Variants in RSU1 observed in about 807,000 individuals in gnomAD.
RSU1 encodes Ras suppressor protein 1.
Under a neutral mutation model 31.1 loss-of-function variants are expected in RSU1, and 26 were observed. The ratio of observed to expected loss-of-function variants is 0.84; its 90% CI spans 0.61 to 1.16. The LOEUF (loss-of-function observed/expected upper bound fraction) is 1.16. Ranked by LOEUF, RSU1 falls within the 50% of genes most tolerant of loss-of-function variation. The pLI is 0.00. For missense variants in RSU1, 320 were observed against 339.1 expected, an observed-to-expected ratio of 0.94 and a Z score of 0.44; for synonymous variants, 164 against 136.3, an observed-to-expected ratio of 1.20 and a Z score of -1.41.
At chr10:16,729,722 T>C (rs1478920815) in intron 7 of RSU1, among the ~76,000 whole-genome samples, 4 of 152,198 alleles carry the variant, frequency 2.6e-5, no homozygotes, top group Non-Finnish European at 5.9e-5. Flanking sequence ...GATATCACTG[T>C]TTATGTCAAA....
intron 8 of RSU1, among the ~76,000 whole-genome samples, chr10:16,663,775 A>G (rs970123116): frequency 8.5e-5 from 13 of 152,152 alleles, no homozygotes; most frequent in African/African-American, 3.1e-4. Flanking sequence ...TTTCACTTTC[A>G]CCTCAACTAC....
chr10:16,721,973 A>T (rs1392668969), intron 7 of RSU1, among the ~76,000 whole-genome samples: 1 of 152,190 alleles, frequency 6.6e-6, no homozygotes, highest in Non-Finnish European at 1.5e-5. Context: ...TACTACCGTG[A>T]CTATTGCTAC....
intron 8 of RSU1, among the ~76,000 whole-genome samples, chr10:16,594,754 T>C (rs1260318845): frequency 6.9e-6 from 1 of 144,106 alleles, no homozygotes; most frequent in Non-Finnish European, 1.5e-5. Flanking sequence ...ATATAAAATA[T>C]ACTATATTAT....
At chr10:16,596,498 A>G (rs1833616102) in intron 8 of RSU1, among the ~76,000 whole-genome samples, 1 of 152,144 alleles carries the variant, frequency 6.6e-6, no homozygotes, top group African/African-American at 2.4e-5. Flanking sequence ...GCAGAGTAAT[A>G]AACCCTGGAG....
chr10:16,619,758 C>T (rs755557238), intron 8 of RSU1, among the ~76,000 whole-genome samples: 9 of 152,290 alleles, frequency 5.9e-5, no homozygotes, highest in Admixed American at 5.2e-4. Flanking sequence ...TATCTATCTC[C>T]CTTCACTTTT....
Position 16,768,846 on chromosome 10 carries a change from A to C in RSU1, c.161-4336T>G, listed in dbSNP as rs542504495. ...TCCACAAGCAGCCCAAAGTGCCTGA[A>C]GGGTTCATTAACTTCTCTTTGGCCA... On this transcript the variant is annotated intron_variant, in intron 3 of 8. Transcript: ENST00000345264. Among the ~76,000 whole-genome samples the C allele has an allele frequency of 2.0e-5, 3 of 152,320 alleles. No homozygotes were observed. The South Asian group carries it at 6.2e-4, about 32-fold the overall frequency.
chr10:16,609,480 G>A (rs891488718), intron 8 of RSU1, among the ~76,000 whole-genome samples: 3 of 152,230 alleles, frequency 2.0e-5, no homozygotes, highest in African/African-American at 4.8e-5. Flanking sequence ...AGGTGCTAGA[G>A]CATGCTAAAT....
At chr10:16,790,917 T>C (rs1308746751) in intron 2 of RSU1, among the ~76,000 whole-genome samples, 10 of 152,210 alleles carry the variant, frequency 6.6e-5, no homozygotes, top group Non-Finnish European at 1.3e-4. Context: ...AGGTACAGCC[T>C]GTGGAACTGT....
intron 8 of RSU1, among the ~76,000 whole-genome samples, chr10:16,674,433 A>C (rs12780474): frequency 0.2 from 30,708 of 150,840 alleles, 3,445 homozygotes; most frequent in African/African-American, 0.28. Flanking sequence ...CTCTAACAGA[A>C]ATGTTTACAC....
chr10:16,669,859 T>C (rs922506411), intron 8 of RSU1, among the ~76,000 whole-genome samples: 4 of 152,266 alleles, frequency 2.6e-5, no homozygotes, highest in African/African-American at 9.6e-5. Flanking sequence ...TTCCATGTCT[T>C]TGCTATTGTA....
At chr10:16,753,871 C>A (rs534005089) in intron 5 of RSU1, among the ~76,000 whole-genome samples, 1 of 152,060 alleles carries the variant, frequency 6.6e-6, no homozygotes, top group South Asian at 2.1e-4. Context: ...ACTCTTTCTA[C>A]CTCAGCCTCC....
chr10:16,592,126 G>A lies in RSU1; in HGVS notation c.*1268C>T, dbSNP rs566331631. ...GTCTTGGGAGCTCAACTGGGAAGCC[G>A]AAAGGATACAGCAGAGATTTTATAT... On this transcript the variant is annotated 3_prime_UTR_variant, in exon 9 of 9. Transcript: ENST00000345264. The A allele has an allele frequency of 1.8e-4, 27 of 151,896 alleles. No individual in the cohort carries two copies. Among genetic ancestry groups the A allele is most frequent in the African/African-American group, 5.8e-4 (24 of 41,174 alleles). The allele number at this position is 151,896 out of a possible 1,614,324, so 9.4% of individuals were successfully genotyped here.
intron 3 of RSU1, chr10:16,767,201 A>T (rs534489792): frequency 6.6e-6 from 1 of 152,290 alleles, no homozygotes; most frequent in Admixed American, 6.5e-5. Flanking sequence ...GAGCACATTC[A>T]TCTGATTAGT....
At chr10:16,674,646 A>G (rs577680881) in intron 8 of RSU1, among the ~76,000 whole-genome samples, 1 of 152,122 alleles carries the variant, frequency 6.6e-6, no homozygotes, top group Non-Finnish European at 1.5e-5. Context: ...GATGGGGTCC[A>G]CTTTAGATAC....
At chr10:16,691,419 G>A (rs1440294065) in intron 8 of RSU1, among the ~76,000 whole-genome samples, 2 of 134,344 alleles carry the variant, frequency 1.5e-5, no homozygotes, top group African/African-American at 2.8e-5. Flanking sequence ...TTGACTTATT[G>A]TCTTATCAGC....
intron 8 of RSU1, among the ~76,000 whole-genome samples, chr10:16,673,636 T>A (rs1176866236): frequency 6.6e-6 from 1 of 152,164 alleles, no homozygotes; most frequent in Non-Finnish European, 1.5e-5. Flanking sequence ...TGTCCCTGTG[T>A]TCAACAGGTC....
At chr10:16,762,955 G>A (rs1264926638) in intron 4 of RSU1, among the ~76,000 whole-genome samples, 1 of 150,986 alleles carries the variant, frequency 6.6e-6, no homozygotes, top group South Asian at 2.1e-4. Flanking sequence ...GGAGGCTGCA[G>A]CTAGCCCAGA....
In RSU1 at chr10:16,766,679, C is replaced by T. The variant is rs529152258; in HGVS notation, c.161-2169G>A. ...GCAGTAAGCCAAGATCATGCCATTACACTCCAGCCTAGGTGACAAGAGTAC... is the reference window on the plus strand; with the variant it reads ...GCAGTAAGCCAAGATCATGCCATTATACTCCAGCCTAGGTGACAAGAGTAC... On this transcript the variant is annotated intron_variant, in intron 3 of 8. Coordinates refer to ENST00000345264, the MANE Select transcript of RSU1 (RefSeq NM_012425.4). Among the ~76,000 whole-genome samples the T allele has an allele frequency of 5.9e-5, 9 of 151,456 alleles. No homozygotes were observed. The South Asian group carries it at 1.5e-3, about 25-fold the overall frequency.
At chr10:16,709,652 C>T (rs1213397593) in intron 7 of RSU1, among the ~76,000 whole-genome samples, 1 of 152,190 alleles carries the variant, frequency 6.6e-6, no homozygotes, top group East Asian at 1.9e-4. Context: ...TCCTCTCCAG[C>T]ACCTGTTGTT....
Sources: allele counts gnomAD v4.1 joint callset (sites outside exome capture counted in the v4.1 genomes callset), GRCh38; gene constraint gnomAD v4.1.1; transcripts MANE v1.5; gene names NCBI Gene and HGNC (gene_info 2026-07-23, HGNC 2026-07-21).